Variants in NAV3 observed in about 807,000 individuals in gnomAD.
NAV3 encodes the protein pore membrane and/or filament interacting like protein 1.
In NAV3, 87 loss-of-function variants were observed where a neutral mutation model predicts 244.7. The ratio of observed to expected loss-of-function variants is 0.36; its 90% confidence interval spans 0.30 to 0.42. The LOEUF (loss-of-function observed/expected upper bound fraction) is 0.42. Ranked by LOEUF, NAV3 falls within the 20% of genes least tolerant of loss-of-function variation. The pLI, the probability that NAV3 is intolerant of heterozygous loss-of-function variation, is 1.00. For missense variants in NAV3, 2,663 were observed against 2,893.3 expected (o/e 0.92, Z 1.83); for synonymous variants, 1,126 against 1,042.2 (o/e 1.08, Z -1.55).
At chr12:77,775,026 A>G (rs1021314789) in intron 2 of NAV3, among the ~76,000 whole-genome samples, 3 of 152,184 alleles carry the variant, frequency 2.0e-5, no homozygotes, top group African/African-American at 7.2e-5. Flanking sequence ...TTAAGGATAA[A>G]ATAAGTAGGC....
In NAV3 at chr12:77,667,720, C is replaced by T. The variant is rs528181021; in HGVS notation, c.72+95454C>T. On this transcript the variant is annotated intron_variant, in intron 2 of 8. Transcript: ENST00000550042. ...ATAATCTCTTGGTAGCTCTATGGCCCTGTCCACCACTTGAGAAACCTGAAT... is the reference window on the plus strand; with the variant it reads ...ATAATCTCTTGGTAGCTCTATGGCCTTGTCCACCACTTGAGAAACCTGAAT... Among the ~76,000 whole-genome samples, 7 of 152,210 alleles carry T rather than the reference C, an allele frequency of 4.6e-5. No homozygotes were observed. In the South Asian group the frequency reaches 1.5e-3, roughly 32 times the overall value.
chr12:77,781,265 TAGGGGATGGAAC>T (rs1870647122), intron 2 of NAV3, among the ~76,000 whole-genome samples: 1 of 152,266 alleles, frequency 6.6e-6, no homozygotes, highest in African/African-American at 2.4e-5. Flanking sequence ...ATGATGAGAA[TAGGGGATGGAAC>T]ATGCCTCTTT....
At chr12:77,888,211 G>T (rs1055581845) in intron 1 of NAV3, among the ~76,000 whole-genome samples, 1 of 151,980 alleles carries the variant, frequency 6.6e-6, no homozygotes, top group Non-Finnish European at 1.5e-5. Flanking sequence ...ATCCAAATAG[G>T]CCAAGCATGG....
At chr12:77,995,692 C>G (rs1164405586) in intron 6 of NAV3, among the ~76,000 whole-genome samples, 1 of 152,128 alleles carries the variant, frequency 6.6e-6, no homozygotes, top group Non-Finnish European at 1.5e-5. Flanking sequence ...TGTCTTTCCC[C>G]TTGCCTTGGC....
intron 2 of NAV3, among the ~76,000 whole-genome samples, chr12:77,737,849 A>C (rs1460310098): frequency 6.6e-6 from 1 of 152,138 alleles, no homozygotes; most frequent in Non-Finnish European, 1.5e-5. Flanking sequence ...TAGTGATGGA[A>C]TATGATCATA....
At chr12:77,836,122 A>G (rs1160466777) in intron 1 of NAV3, among the ~76,000 whole-genome samples, 1 of 152,220 alleles carries the variant, frequency 6.6e-6, no homozygotes, top group African/African-American at 2.4e-5. Context: ...ATACACCCAA[A>G]TGAAGAACAG....
At chr12:77,654,751 A>G (rs1873004937) in intron 2 of NAV3, among the ~76,000 whole-genome samples, 1 of 151,624 alleles carries the variant, frequency 6.6e-6, no homozygotes, top group South Asian at 2.1e-4. Flanking sequence ...TACTCCTCTG[A>G]GACAAAACTT....
intron 12 of NAV3, 92 bp from the exon 13 acceptor site, chr12:78,116,680 A>G (rs953681625): frequency 7.8e-7 from 1 of 1,276,888 alleles, no homozygotes; most frequent in Non-Finnish European, 1.0e-6. Context: ...AGAATGTCTT[A>G]ATAATAAATT....
chr12:77,708,290 C>G (rs1173114198), intron 2 of NAV3, among the ~76,000 whole-genome samples: 1 of 152,146 alleles, frequency 6.6e-6, no homozygotes, highest in Non-Finnish European at 1.5e-5. Context: ...AGCCAGTTTT[C>G]CCAGTACCAT....
At chr12:78,189,416 G>C (rs1958871740) in intron 33 of NAV3, among the ~76,000 whole-genome samples, 1 of 151,716 alleles carries the variant, frequency 6.6e-6, no homozygotes, top group African/African-American at 2.4e-5. Flanking sequence ...AGATACTGTT[G>C]CTCCTTTCTT....
Position 77,831,471 on chromosome 12 carries a change from C to A in NAV3, c.10C>A (p.Leu4Ile), listed in dbSNP as rs2136074027. 1 of 1,604,718 alleles carries A rather than the reference C, an allele frequency of 6.2e-7. No individual in the cohort carries two copies. Among genetic ancestry groups the A allele is most frequent in the South Asian group, 1.1e-5 (1 of 88,870 alleles). ...TAATTTTATAGAAGCCATGCCTGTT[C>A]TTGGGGTTGCCTCAAAACTGAGGCA... The part of the protein sequence containing the change: MPV[L>I]GVASKLRQPA... Residue 4 changes from leucine (L) to isoleucine (I), a missense_variant, in exon 1 of 40, where the codon CTT becomes ATT. By Grantham distance (5) the Leu-to-Ile change is conservative (BLOSUM62 2). Around this residue, in one of 6 missense-constraint regions of NAV3, gnomAD observed 1,521 missense variants for 1,497.0 expected, o/e 1.02. Coordinates refer to ENST00000397909, the MANE Select transcript of NAV3 (RefSeq NM_001024383.2).
chr12:77,911,539 A>T (rs1043955033), intron 1 of NAV3, among the ~76,000 whole-genome samples: 3 of 152,088 alleles, frequency 2.0e-5, no homozygotes, highest in Non-Finnish European at 4.4e-5. Context: ...CTTTTCCCAC[A>T]ATATCTTGGT....
chr12:77,753,257 T>C (rs1325648256), intron 2 of NAV3, among the ~76,000 whole-genome samples: 3 of 152,226 alleles, frequency 2.0e-5, no homozygotes, highest in African/African-American at 7.2e-5. Context: ...TGAAGAAAAC[T>C]ACTTACCATT....
chr12:77,614,601 T>C (rs555712938), intron 2 of NAV3, among the ~76,000 whole-genome samples: 10 of 152,276 alleles, frequency 6.6e-5, no homozygotes, highest in African/African-American at 1.9e-4. Context: ...TATGAGGTAG[T>C]GTTCACTTAG....
At chr12:77,982,115 T>A (rs1869675929) in intron 5 of NAV3, among the ~76,000 whole-genome samples, 1 of 152,228 alleles carries the variant, frequency 6.6e-6, no homozygotes, top group African/African-American at 2.4e-5. Context: ...TACTTTTATA[T>A]CAAATACATC....
chr12:78,088,620 A>C (rs954205032), intron 12 of NAV3: 3 of 152,126 alleles, frequency 2.0e-5, no homozygotes, highest in African/African-American at 7.2e-5. Context: ...ATCAGGAAAT[A>C]ACTAAATAAG....
intron 1 of NAV3, among the ~76,000 whole-genome samples, chr12:77,925,810 CAA>C (rs1403739234): frequency 6.6e-6 from 1 of 152,090 alleles, no homozygotes; most frequent in Non-Finnish European, 1.5e-5. Context: ...ATGAAACCAT[CAA>C]AGTGTCCTTA....
At chr12:77,921,011 C>T (rs1887659590) in intron 1 of NAV3, among the ~76,000 whole-genome samples, 1 of 151,966 alleles carries the variant, frequency 6.6e-6, no homozygotes, top group Admixed American at 6.6e-5. Flanking sequence ...GGATTTCTAA[C>T]AATCTCATCA....
intron 12 of NAV3, among the ~76,000 whole-genome samples, chr12:78,065,312 A>G (rs1884880325): frequency 6.6e-6 from 1 of 152,136 alleles, no homozygotes; most frequent in Non-Finnish European, 1.5e-5. Flanking sequence ...ATCACTCAGT[A>G]GAGCTGGCCT....
Sources: allele counts gnomAD v4.1 joint callset (sites outside exome capture counted in the v4.1 genomes callset), GRCh38; gene constraint gnomAD v4.1.1; regional missense constraint gnomAD v4.1.1; transcripts MANE v1.5; gene names NCBI Gene and HGNC (gene_info 2026-07-23, HGNC 2026-07-21).